Variants in FZR1 observed in about 807,000 individuals in gnomAD.
The protein encoded by FZR1 is fizzy-related protein homolog.
Under a neutral mutation model 63.6 loss-of-function variants are expected in FZR1, and 11 were observed. That is an observed-to-expected ratio of 0.17 (90% confidence interval 0.11 to 0.29). The LOEUF (loss-of-function observed/expected upper bound fraction) is 0.29, where lower values mean the gene tolerates loss of function less well. Among genes scored for constraint, FZR1 ranks in the 10% least tolerant of loss-of-function variants. FZR1 has a pLI of 1.00. For missense variants in FZR1, 440 were observed against 687.5 expected (o/e 0.64, Z 4.03); for synonymous variants, 328 against 297.9 (o/e 1.10, Z -1.04).
intron 1 of FZR1, among the ~76,000 whole-genome samples, chr19:3,507,513 GTC>G (rs1484154997): frequency 6.6e-6 from 1 of 151,970 alleles, no homozygotes; most frequent in African/African-American, 2.4e-5. Flanking sequence ...GGTTCAGGGC[GTC>G]TCTCTGGTTC....
At chr19:3,513,228 T>G (rs2083036206) in intron 1 of FZR1, among the ~76,000 whole-genome samples, 1 of 151,830 alleles carries the variant, frequency 6.6e-6, no homozygotes, top group Non-Finnish European at 1.5e-5. Context: ...TTTGCAGGGG[T>G]CGGGACCTGT....
At chr19:3,527,870 C>A in intron 7 of FZR1, 56 bp downstream of exon 7, 11 of 1,358,264 alleles carry the variant, frequency 8.1e-6, no homozygotes, top group East Asian at 2.4e-5. Context: ...TCCCAGCAGA[C>A]CTCAATGTAC....
chr19:3,527,632 C>A lies in FZR1; in HGVS notation c.472C>A (p.Gln158Lys). Residue 158 changes from glutamine (Q) to lysine (K), a missense_variant and splice_region_variant, in exon 7 of 14, where the codon CAG becomes AAG. By Grantham distance (53) the Gln-to-Lys change is moderately conservative (BLOSUM62 1). Around this residue, in one of 5 missense-constraint regions of FZR1, gnomAD observed 200 missense variants for 245.1 expected, o/e 0.82. Coordinates refer to ENST00000441788, the MANE Select transcript of FZR1 (RefSeq NM_016263.4). ...YSLSPVSNKS[Q>K]KLLRSPRKPT... ...GATGCCACGTGGCCGCCTCTGCAGC[C>A]AGAAGCTGCTCCGGTCCCCCCGGAA... 1 of 1,604,466 alleles carries A rather than the reference C, an allele frequency of 6.2e-7. No individual in the cohort carries two copies. The highest frequency in any genetic ancestry group is 8.5e-7 in the Non-Finnish European group (1 of 1,176,542).
At position 3,533,958 on chromosome 19, in the gene FZR1, C is replaced by G. The variant is rs934405410; in HGVS notation, c.1348-463C>G. ...CCAACCTTGGCTAGGTGCGGTGGCTCACGCCTGTAATCCCTGCACTTCAGG... is the reference window on the plus strand; with the variant it reads ...CCAACCTTGGCTAGGTGCGGTGGCTGACGCCTGTAATCCCTGCACTTCAGG... On this transcript the variant is annotated intron_variant, in intron 12 of 13. Transcript: ENST00000441788. This position sits in a 1 kb window ranked among gnomAD's most constrained non-coding sequence, Gnocchi z 4.9. 1.3e-5 allele frequency among the ~76,000 whole-genome samples: 2 copies of G among 152,114 alleles called. No homozygotes were observed. The highest frequency in any genetic ancestry group is 2.9e-5 in the Non-Finnish European group (2 of 68,032).
Position 3,535,292 on chromosome 19 carries a change from T to A in FZR1, c.*456T>A. ...GAGACCCCGGTTGCCCATTCATGGC[T>A]GCACCCCACCATGTCAAACCCAAGA... On this transcript the variant is annotated 3_prime_UTR_variant, in exon 14 of 14. Transcript: ENST00000441788. 6.0e-6 allele frequency: 1 copy of A among 166,474 alleles called. No individual in the cohort carries two copies. Among genetic ancestry groups the A allele is most frequent in the Non-Finnish European group, 1.3e-5 (1 of 77,122 alleles). The allele number at this position is 166,474 out of a possible 1,614,324, so 10.3% of individuals were successfully genotyped here.
rs2083141412 is a variant in FZR1 at position 3,525,219 on chromosome 19, G to C, written c.70-649G>C. 1.3e-5 allele frequency among the ~76,000 whole-genome samples: 2 copies of C among 152,040 alleles called. No individual in the cohort carries two copies. Among genetic ancestry groups the C allele is most frequent in the African/African-American group, 4.8e-5 (2 of 41,386 alleles). On this transcript the variant is annotated intron_variant, in intron 2 of 13. Coordinates refer to ENST00000441788, the MANE Select transcript of FZR1 (RefSeq NM_016263.4). The surrounding 1 kb of genome is among the most constrained non-coding windows in gnomAD (Gnocchi z 4.2). ...TGCGCAGCGTTGGGAGGGCAGTTGG[G>C]GTCTTGTGCTCCCTGGCTCTGTCCC...
rs2083144893 is a variant in FZR1 at position 3,525,436 on chromosome 19, T to TTC, written c.70-431_70-430insCT. Among the ~76,000 whole-genome samples the TTC allele has an allele frequency of 8.2e-6, 1 of 121,522 alleles. No homozygotes were observed. The highest frequency in any genetic ancestry group is 7.8e-5 in the Admixed American group (1 of 12,898). 79.7% of individuals were successfully genotyped at this position (121,522 alleles called of 152,430 possible). ...TGGCTCCCCTCCTTGGGTTTTCTTT[T>TTC]TTTTTTTTTTTTTTTTTTTTTTTTG... is the stretch of plus-strand genomic sequence containing the variant. On this transcript the variant is annotated intron_variant, in intron 2 of 13. Transcript: ENST00000441788. The surrounding 1 kb of genome is among the most constrained non-coding windows in gnomAD (Gnocchi z 4.2).
At chr19:3,529,896 GAGAGT>G (rs1568238351) in intron 7 of FZR1, among the ~76,000 whole-genome samples, 1 of 99,696 alleles carries the variant, frequency 1.0e-5, no homozygotes, top group Admixed American at 1.0e-4. Context: ...GAGCGGATGG[GAGAGT>G]GGTTGAGGGA....
At position 3,526,525 on chromosome 19, in the gene FZR1, GTTCC is replaced by G; in HGVS notation, c.387+142_387+145del. 1 of 659,114 alleles carries G rather than the reference GTTCC, an allele frequency of 1.5e-6. No homozygotes were observed. 40.8% of individuals were successfully genotyped at this position (659,114 alleles called of 1,614,324 possible). On this transcript the variant is annotated intron_variant, in intron 5 of 13. Coordinates refer to ENST00000441788, the MANE Select transcript of FZR1 (RefSeq NM_016263.4). The surrounding 1 kb of genome is among the most constrained non-coding windows in gnomAD (Gnocchi z 5.4). ...GGCTCAGCACCCCCGCCCTGACCCT[GTTCC>G]TTAGCCAGGTCAGGGGCCCTGGGAT...
At position 3,537,465 on chromosome 19, in the gene FZR1, T is replaced by A. The variant is rs1333211388; in HGVS notation, c.*2629T>A. The A allele has an allele frequency of 6.6e-6, 1 of 152,136 alleles. No homozygotes were observed. The highest frequency in any genetic ancestry group is 2.4e-5 in the African/African-American group (1 of 41,382). The allele number at this position is 152,136 out of a possible 1,614,324, so 9.4% of individuals were successfully genotyped here. Reference sequence around the variant, plus strand: ...TGATCCTGGAATGTAGCTGGTGCAGTGAGAGGGAAAGAGAATTGAAAAACT... The same window carrying A: ...TGATCCTGGAATGTAGCTGGTGCAGAGAGAGGGAAAGAGAATTGAAAAACT... On this transcript the variant is annotated 3_prime_UTR_variant, in exon 14 of 14. Coordinates refer to ENST00000441788, the MANE Select transcript of FZR1 (RefSeq NM_016263.4).
rs2121945339 is a variant in FZR1, at chr19:3,522,939, T to G, written c.-34-17T>G. 3 of 1,344,960 alleles carry G rather than the reference T, an allele frequency of 2.2e-6. No homozygotes were observed. Among genetic ancestry groups the G allele is most frequent in the Non-Finnish European group, 3.2e-6 (3 of 935,434 alleles). 83.3% of individuals were successfully genotyped at this position (1,344,960 alleles called of 1,614,324 possible). A position where few individuals can be genotyped will look rare whatever the true frequency, so the allele number is the denominator to read the frequency against. On this transcript the variant is annotated splice_polypyrimidine_tract_variant and intron_variant, in intron 1 of 13. Transcript: ENST00000441788. Reference sequence around the variant, plus strand: ...CCGGCCCTGCCCCACTCACCTCTCCTGCCCTTCCCGCTGCAGGCTAACCTT... The same window carrying G: ...CCGGCCCTGCCCCACTCACCTCTCCGGCCCTTCCCGCTGCAGGCTAACCTT...
intron 7 of FZR1, among the ~76,000 whole-genome samples, chr19:3,528,158 C>T (rs982182832): frequency 1.3e-5 from 2 of 152,234 alleles, no homozygotes; most frequent in African/African-American, 4.8e-5. Flanking sequence ...GAAGAAGAGA[C>T]AGGTGTCCCA....
In FZR1 at chr19:3,535,304, T is replaced by G; in HGVS notation, c.*468T>G. On this transcript the variant is annotated 3_prime_UTR_variant, in exon 14 of 14. Transcript: ENST00000441788. ...GCCCATTCATGGCTGCACCCCACCATGTCAAACCCAAGACCAGCCCCAAGG... is the reference window on the plus strand; with the variant it reads ...GCCCATTCATGGCTGCACCCCACCAGGTCAAACCCAAGACCAGCCCCAAGG... 6.1e-6 allele frequency: 1 copy of G among 163,046 alleles called. No individual in the cohort carries two copies. Among genetic ancestry groups the G allele is most frequent in the Non-Finnish European group, 1.3e-5 (1 of 74,930 alleles). 10.1% of individuals were successfully genotyped at this position (163,046 alleles called of 1,614,324 possible). A position where few individuals can be genotyped will look rare whatever the true frequency, so the allele number is the denominator to read the frequency against.
At position 3,526,346 on chromosome 19, in the gene FZR1, G is replaced by A; in HGVS notation, c.347G>A (p.Arg116Lys). Residue 116 changes from arginine (R) to lysine (K), a missense_variant, in exon 5 of 14, where the codon AGG becomes AAG. This residue lies in a region of FZR1 where 200 missense variants were observed against 245.1 expected (regional missense o/e 0.82). Transcript: ENST00000441788. The surrounding 1 kb of genome is among the most constrained non-coding windows in gnomAD (Gnocchi z 5.4). ...CAGGACCCGCAGACTGAGGACCGCA[G>A]GCTGCAGCCCTCCACGCCTGAGAAG... ...KVQDPQTEDR[R>K]LQPSTPEKKG... 6.2e-7 allele frequency: 1 copy of A among 1,600,568 alleles called. No individual in the cohort carries two copies. Among genetic ancestry groups the A allele is most frequent in the Non-Finnish European group, 8.5e-7 (1 of 1,174,496 alleles).
At chr19:3,527,837 A>G (rs763022062) in intron 7 of FZR1, 23 bp downstream of exon 7, 23 of 1,582,042 alleles carry the variant, frequency 1.5e-5, no homozygotes, top group Non-Finnish European at 1.9e-5. Flanking sequence ...TGGGGTGTGC[A>G]TGTGCATGGG....
intron 1 of FZR1, among the ~76,000 whole-genome samples, chr19:3,511,460 T>C (rs972396232): frequency 3.9e-5 from 6 of 152,186 alleles, no homozygotes; most frequent in Non-Finnish European, 7.4e-5. Context: ...CGCAGCACTT[T>C]GGGAGGCCTC....
intron 1 of FZR1, among the ~76,000 whole-genome samples, chr19:3,518,266 AG>A (rs1461617526): frequency 1.3e-5 from 2 of 152,072 alleles, no homozygotes; most frequent in East Asian, 3.9e-4. Flanking sequence ...TGTCCACCTC[AG>A]CCCCCCACAG....
At chr19:3,518,213 C>T (rs914487385) in intron 1 of FZR1, among the ~76,000 whole-genome samples, 1 of 151,930 alleles carries the variant, frequency 6.6e-6, no homozygotes, top group African/African-American at 2.4e-5. Flanking sequence ...GAGGTTTCAC[C>T]ATGTTGGCCA....
chr19:3,510,012 A>G (rs1599770262), intron 1 of FZR1, among the ~76,000 whole-genome samples: 2 of 151,588 alleles, frequency 1.3e-5, no homozygotes, highest in African/African-American at 4.9e-5. Flanking sequence ...TGTCAACCCC[A>G]TGCAACCACC....
Sources: gnomAD v4.1 joint callset for allele counts (sites outside exome capture counted in the v4.1 genomes callset) on GRCh38, gnomAD v4.1.1 for gene constraint, gnomAD v4.1.1 regional missense constraint, Gnocchi (gnomAD v3.1) non-coding constraint, MANE v1.5 for transcripts, NCBI Gene and HGNC (gene_info 2026-07-23, HGNC 2026-07-21) for gene names.